Variants in ODAD4 observed in about 807,000 individuals in gnomAD.
ODAD4 encodes outer dynein arm docking complex subunit 4.
ODAD4 carries 49 observed loss-of-function variants against 51.8 expected under a neutral mutation model. That is an observed-to-expected ratio of 0.95 (90% CI 0.75 to 1.20). The LOEUF is 1.20. Ranked by LOEUF, ODAD4 falls within the 50% of genes most tolerant of loss-of-function variation. ODAD4 has a pLI of 0.00. For synonymous variants in ODAD4, 235 were observed against 221.3 expected, an observed-to-expected ratio of 1.06 and a Z score of -0.55; for missense variants, 590 against 586.5, an observed-to-expected ratio of 1.01 and a Z score of -0.06.
In ODAD4 at chr17:41,961,412, A is replaced by G. The variant is rs2050804340; in HGVS notation, c.1474A>G (p.Arg492Gly). Residue 492 changes from arginine (R) to glycine (G), a missense_variant, in exon 11 of 12, where the codon AGA becomes GGA. This residue lies in a region of ODAD4 where 226 missense variants were observed against 162.7 expected (regional missense o/e 1.39). Coordinates refer to ENST00000377540, the MANE Select transcript of ODAD4 (RefSeq NM_031421.5). ...GGACGATGCCAACAAGGGTATCATCAGAGAACTGAGGAAAACCAACTACGT... is the reference window on the plus strand; with the variant it reads ...GGACGATGCCAACAAGGGTATCATCGGAGAACTGAGGAAAACCAACTACGT... ...ALDDANKGII[R>G]ELRKTNYVEN... is the part of the protein sequence containing the mutation. The G allele has an allele frequency of 1.3e-6, 1 of 746,106 alleles. No homozygotes were observed. The allele number at this position is 746,106 out of a possible 1,614,324, so 46.2% of individuals were successfully genotyped here.
rs2050872632 is a variant in ODAD4, at chr17:41,965,563, T to G, written c.*80T>G. ...TTTATTAAACTGGATTTTCAAGCGA[T>G]TTGTCTGTTATAGGAAAAATGAGGG... is the stretch of plus-strand genomic sequence containing the variant. On this transcript the variant is annotated 3_prime_UTR_variant, in exon 12 of 12. Coordinates refer to ENST00000377540, the MANE Select transcript of ODAD4 (RefSeq NM_031421.5). 2 of 671,206 alleles carry G rather than the reference T, an allele frequency of 3.0e-6. No homozygotes were observed. Among genetic ancestry groups the G allele is most frequent in the Non-Finnish European group, 5.3e-6 (2 of 376,074 alleles). 41.6% of individuals were successfully genotyped at this position (671,206 alleles called of 1,614,324 possible). A position where few individuals can be genotyped will look rare whatever the true frequency, so the allele number is the denominator to read the frequency against.
intron 10 of ODAD4, among the ~76,000 whole-genome samples, chr17:41,960,891 A>AGG (rs1476683705): frequency 6.6e-6 from 1 of 152,180 alleles, no homozygotes; most frequent in Non-Finnish European, 1.5e-5. Context: ...AGAGGCTCAC[A>AGG]GGGGCTCCAG....
chr17:41,954,850 CAAA>C (rs57545570), intron 9 of ODAD4, among the ~76,000 whole-genome samples: 11 of 92,520 alleles, frequency 1.2e-4, no homozygotes, highest in Admixed American at 2.4e-4. Context: ...AACTCTGTCT[CAAA>C]AAAAAAAAAA....
chr17:41,943,468 A>G (rs1050011014), intron 7 of ODAD4, among the ~76,000 whole-genome samples: 11 of 152,208 alleles, frequency 7.2e-5, no homozygotes, highest in Non-Finnish European at 1.2e-4. Context: ...TGGGATTATC[A>G]TTAGTTCTTA....
chr17:41,953,873 C>T (rs137923554), intron 9 of ODAD4, among the ~76,000 whole-genome samples: 1 of 151,478 alleles, frequency 6.6e-6, no homozygotes, highest in East Asian at 2.0e-4. Context: ...CACTATGTTG[C>T]CCAGGCTGGT....
At chr17:41,936,174 G>A (rs1220909351) in intron 3 of ODAD4, among the ~76,000 whole-genome samples, 1 of 152,212 alleles carries the variant, frequency 6.6e-6, no homozygotes, top group African/African-American at 2.4e-5. Context: ...AAGCAAGTGA[G>A]AGCAAGTGAG....
At position 41,955,204 on chromosome 17, in the gene ODAD4, C is replaced by T; in HGVS notation, c.1343-13C>T. 1 of 771,886 alleles carries T rather than the reference C, an allele frequency of 1.3e-6. No homozygotes were observed. The highest frequency in any genetic ancestry group is 1.4e-5 in the South Asian group (1 of 72,816). 47.8% of individuals were successfully genotyped at this position (771,886 alleles called of 1,614,324 possible). ...ACTCTACCTGTGTTGTGCCTTCTCC[C>T]CTTGCTCTCCAGTGAAGCTGAGAGA... On this transcript the variant is annotated splice_polypyrimidine_tract_variant and intron_variant, in intron 9 of 11. Transcript: ENST00000377540.
intron 10 of ODAD4, among the ~76,000 whole-genome samples, chr17:41,957,679 T>C (rs2050751260): frequency 1.3e-5 from 2 of 152,206 alleles, no homozygotes; most frequent in Non-Finnish European, 2.9e-5. Context: ...GGGTAAGCTC[T>C]CCCCTGTGGG....
rs1465859142 is a variant in ODAD4, at chr17:41,936,854, G to A, written c.552G>A (p.Glu184=). Residue 184 remains glutamate, a synonymous_variant, in exon 5 of 12, where the codon GAG becomes GAA. Transcript: ENST00000377540. ...AGTGGAAGGCCTCGCTCAAGAGTGA[G>A]AAGACTGTCCGCCAGCTTCTGGGGG... The part of the protein sequence containing the change: ...EPKWKASLKS[E]KTVRQLLGEL... The A allele has an allele frequency of 6.8e-6, 11 of 1,613,880 alleles. No homozygotes were observed. Among genetic ancestry groups the A allele is most frequent in the Non-Finnish European group, 4.2e-6 (5 of 1,179,904 alleles).
intron 8 of ODAD4, among the ~76,000 whole-genome samples, chr17:41,946,425 A>G (rs186845958): frequency 3.2e-4 from 48 of 152,194 alleles, no homozygotes; most frequent in Admixed American, 2.0e-3. Context: ...TCTAGGTTCA[A>G]GCAATTCTCC....
Position 41,949,660 on chromosome 17 carries a change from T to C in ODAD4, c.1342+311T>C, listed in dbSNP as rs1006648213. Among the ~76,000 whole-genome samples the C allele has an allele frequency of 1.3e-4, 20 of 151,614 alleles. 1 individual carries two copies. The highest frequency in any genetic ancestry group is 4.6e-4 in the African/African-American group (19 of 41,276). On this transcript the variant is annotated intron_variant, in intron 9 of 11. Coordinates refer to ENST00000377540, the MANE Select transcript of ODAD4 (RefSeq NM_031421.5). The stretch of plus-strand genomic sequence containing the variant: ...AGCCACTTTCCTTCTGCCTTGGTAC[T>C]TTTTTTTTGTTTTGTTTCATTTTGT...
intron 8 of ODAD4, among the ~76,000 whole-genome samples, chr17:41,948,793 C>G (rs1399790333): frequency 2.6e-5 from 4 of 152,080 alleles, no homozygotes; most frequent in Admixed American, 6.6e-5. Flanking sequence ...GCGCCTGCCA[C>G]CATGCCTGGC....
rs10578034 is a variant in ODAD4, at chr17:41,944,444, A to ACCCCC, written c.1059-689_1059-685dup. Among the ~76,000 whole-genome samples, 70 of 19,488 alleles carry ACCCCC rather than the reference A, an allele frequency of 3.6e-3. 1 individual carries two copies. The highest frequency in any genetic ancestry group is 0.013 in the South Asian group (3 of 232). The allele number at this position is 19,488 out of a possible 152,430, so 12.8% of individuals were successfully genotyped here. ...CACACACACACACACACACACACACACCCCCCCGCATACACAGAAATTGCC... is the reference window on the plus strand; with the variant it reads ...CACACACACACACACACACACACACACCCCCCCCCCCCGCATACACAGAAATTGCC... On this transcript the variant is annotated intron_variant, in intron 7 of 11. Transcript: ENST00000377540.
At chr17:41,947,798 AG>A (rs2050607493) in intron 8 of ODAD4, among the ~76,000 whole-genome samples, 1 of 150,912 alleles carries the variant, frequency 6.6e-6, no homozygotes, top group East Asian at 1.9e-4. Flanking sequence ...TCTGTCTCAA[AG>A]AAAAAATAAA....
intron 10 of ODAD4, among the ~76,000 whole-genome samples, chr17:41,957,736 A>G (rs1598090586): frequency 6.6e-6 from 1 of 152,144 alleles, no homozygotes; most frequent in South Asian, 2.1e-4. Flanking sequence ...ATCACCTTGC[A>G]TTCCAGCTCC....
rs2050888779 is a variant in ODAD4 at position 41,966,437 on chromosome 17, T to C, written c.*954T>C. ...CCAATGTGGTAAAAAAAAAAGTTTT[T>C]AATTAATGCAAAAGTCCATGATGAA... On this transcript the variant is annotated 3_prime_UTR_variant, in exon 12 of 12. Transcript: ENST00000377540. Among the ~76,000 whole-genome samples the C allele has an allele frequency of 6.6e-6, 1 of 152,214 alleles. No homozygotes were observed. The highest frequency in any genetic ancestry group is 1.5e-5 in the Non-Finnish European group (1 of 68,040).
chr17:41,949,992 C>T (rs1282501635), intron 9 of ODAD4, among the ~76,000 whole-genome samples: 1 of 151,174 alleles, frequency 6.6e-6, no homozygotes, highest in Non-Finnish European at 1.5e-5. Flanking sequence ...TTTTTTGAGA[C>T]GAAGTCTCAC....
chr17:41,958,073 G>A (rs1176242845), intron 10 of ODAD4, among the ~76,000 whole-genome samples: 3 of 151,676 alleles, frequency 2.0e-5, no homozygotes, highest in East Asian at 2.0e-4. Flanking sequence ...CACCACACCC[G>A]GCCTAAACAG....
intron 5 of ODAD4, among the ~76,000 whole-genome samples, 195 bp from the exon 6 acceptor site, chr17:41,938,362 T>C (rs1555638150): frequency 6.6e-6 from 1 of 152,302 alleles, no homozygotes. Context: ...AACTCCCTGA[T>C]AGTGGGGCTC....
Sources: allele counts gnomAD v4.1 joint callset (sites outside exome capture counted in the v4.1 genomes callset), GRCh38; gene constraint gnomAD v4.1.1; regional missense constraint gnomAD v4.1.1; transcripts MANE v1.5; gene names NCBI Gene and HGNC (gene_info 2026-07-23, HGNC 2026-07-21).